The following OGT variants were observed in gnomAD, a reference collection of about 807,000 sequenced individuals.
OGT encodes UDP-N-acetylglucosamine--peptide N-acetylglucosaminyltransferase 110 kDa subunit.
A neutral mutation model predicts 75.8 loss-of-function variants in OGT; 3 were observed. That is an observed-to-expected ratio of 0.04 (90% CI 0.02 to 0.10). The LOEUF is 0.10. Ranked by LOEUF, OGT falls within the 10% of genes least tolerant of loss-of-function variation. OGT has a pLI of 1.00. For missense variants in OGT, 260 were observed against 824.4 expected (o/e 0.32, Z 8.38); for synonymous variants, 257 against 289.7 (o/e 0.89, Z 1.15).
intron 4 of OGT, chrX:71,546,352 A>T: frequency 1.3e-6 from 1 of 754,362 alleles, no homozygotes; most frequent in Non-Finnish European, 1.6e-6. Context: ...AGAAGGTTTC[A>T]GGTGGGTGAA....
rs2147693904 is a variant in OGT, at chrX:71,568,102, A to G, written c.2952A>G (p.Gly984=). 1 of 1,202,853 alleles carries G rather than the reference A, an allele frequency of 8.3e-7. No homozygotes were observed. The highest frequency in any genetic ancestry group is 3.0e-5 in the East Asian group (1 of 33,819). ...ATGAAGACATAGCTGTGAAGCTGGGAACTGATCTAGAATAGTAAGTAAACT... is the reference window on the plus strand; with the variant it reads ...ATGAAGACATAGCTGTGAAGCTGGGGACTGATCTAGAATAGTAAGTAAACT... ...QEYEDIAVKL[G]TDLEYLKKVR... Residue 984 remains glycine (G), a synonymous_variant, in exon 21 of 22, where the codon GGA becomes GGG. Transcript: ENST00000373719.
intron 21 of OGT, among the ~76,000 whole-genome samples, chrX:71,572,041 T>C (rs2147697901): frequency 9.0e-6 from 1 of 111,405 alleles, no homozygotes; most frequent in Non-Finnish European, 1.9e-5. Flanking sequence ...AGTGCTGGGA[T>C]TACAGGTGTG....
rs778389766 is a variant in OGT at position 71,575,014 on chromosome X, G to A, written c.*1220G>A. 1.8e-5 allele frequency: 2 copies of A among 111,416 alleles called. No individual in the cohort carries two copies. Among genetic ancestry groups the A allele is most frequent in the Non-Finnish European group, 3.8e-5 (2 of 53,081 alleles). 9.2% of individuals were successfully genotyped at this position (111,416 alleles called of 1,213,427 possible). ...GTACAGATTCAGCCTCAGTAGTAGC[G>A]AACTGCACTGCTGTTTGGTTTGGAG... On this transcript the variant is annotated 3_prime_UTR_variant, in exon 22 of 22. Coordinates refer to ENST00000373719, the MANE Select transcript of OGT (RefSeq NM_181672.3).
intron 6 of OGT, 95 bp from the exon 7 acceptor site, chrX:71,555,095 T>G: frequency 1.6e-6 from 1 of 609,079 alleles, no homozygotes; most frequent in Non-Finnish European, 2.5e-6. Flanking sequence ...ACAGCTTGAA[T>G]GAGTTGTAAC....
chrX:71,542,866 T>A (rs776172968), intron 3 of OGT, among the ~76,000 whole-genome samples: 1 of 112,566 alleles, frequency 8.9e-6, no homozygotes, highest in South Asian at 3.6e-4. Flanking sequence ...TGTTAAAAAG[T>A]GCTCAGGCTA....
Position 71,536,224 on chromosome X carries a change from A to T in OGT, c.84A>T (p.Ala28=). The part of the protein sequence containing the change: ...MLSFQGLAEL[A]HREYQAGDFE... ...CCTTCCAAGGGTTAGCTGAGTTGGCACATCGAGAATATCAGGCAGGAGATT... is the reference window on the plus strand; with the variant it reads ...CCTTCCAAGGGTTAGCTGAGTTGGCTCATCGAGAATATCAGGCAGGAGATT... Residue 28 remains alanine (A), a synonymous_variant, in exon 2 of 22, where the codon GCA becomes GCT. Transcript: ENST00000373719. The T allele has an allele frequency of 8.3e-7, 1 of 1,210,029 alleles. No individual in the cohort carries two copies. Among genetic ancestry groups the T allele is most frequent in the Non-Finnish European group, 1.1e-6 (1 of 894,705 alleles).
rs190933650 is a variant in OGT, at chrX:71,568,874, A to C, written c.2966+758A>C. 9.1e-3 allele frequency among the ~76,000 whole-genome samples: 1,012 copies of C among 110,693 alleles called. 5 individuals are homozygous for C. The highest frequency in any genetic ancestry group is 0.024 in the African/African-American group (733 of 30,503). On this transcript the variant is annotated intron_variant, in intron 21 of 21. Coordinates refer to ENST00000373719, the MANE Select transcript of OGT (RefSeq NM_181672.3). ...AACAAACAAACAAAAAAAAAACCAA[A>C]CAAACAAAAAAAACCAAAAAAAGAA...
At chrX:71,538,190 C>T (rs1004535377) in intron 3 of OGT, 118 bp downstream of exon 3, 29 of 787,594 alleles carry the variant, frequency 3.7e-5, no homozygotes, top group Non-Finnish European at 5.0e-5. Context: ...TTTAGAAATG[C>T]GTATGTACTT....
At chrX:71,570,256 G>A (rs1446855946) in intron 21 of OGT, among the ~76,000 whole-genome samples, 3 of 107,500 alleles carry the variant, frequency 2.8e-5, no homozygotes. Context: ...GGCCAGGCTG[G>A]TCTCGAACTC....
intron 18 of OGT, among the ~76,000 whole-genome samples, chrX:71,563,835 G>A (rs917351567): frequency 9.0e-6 from 1 of 111,592 alleles, no homozygotes. Flanking sequence ...CTACTCAAAC[G>A]TTCAGTTCAG....
In OGT at chrX:71,556,703, C is replaced by T; in HGVS notation, c.1089C>T (p.Ala363=). The part of the protein sequence containing the change: ...ALEVFPEFAA[A]HSNLASVLQQ... ...AGGTCTTCCCAGAGTTTGCTGCTGCCCATTCAAATTTAGCAAGTGTACTGC... is the reference window on the plus strand; with the variant it reads ...AGGTCTTCCCAGAGTTTGCTGCTGCTCATTCAAATTTAGCAAGTGTACTGC... Residue 363 remains alanine (A), a synonymous_variant, in exon 9 of 22, where the codon GCC becomes GCT. Coordinates refer to ENST00000373719, the MANE Select transcript of OGT (RefSeq NM_181672.3). The T allele has an allele frequency of 1.7e-6, 2 of 1,193,393 alleles. No individual in the cohort carries two copies. Among genetic ancestry groups the T allele is most frequent in the African/African-American group, 1.7e-5 (1 of 57,339 alleles).
intron 7 of OGT, among the ~76,000 whole-genome samples, chrX:71,555,590 C>T: frequency 8.9e-6 from 1 of 111,736 alleles, no homozygotes; most frequent in African/African-American, 3.3e-5. Context: ...GGCATGGTGG[C>T]ACACACCTGT....
chrX:71,562,292 C>T (rs1310838213), intron 15 of OGT, among the ~76,000 whole-genome samples: 1 of 112,337 alleles, frequency 8.9e-6, no homozygotes, highest in Admixed American at 9.4e-5. Flanking sequence ...AGCAAAACAC[C>T]CTATCTCTAC....
chrX:71,547,521 T>A, intron 4 of OGT: 2 of 782,650 alleles, frequency 2.6e-6, no homozygotes, highest in Non-Finnish European at 3.0e-6. Flanking sequence ...AAACTCGGCC[T>A]CAAGTTGCGC....
At position 71,559,263 on chromosome X, in the gene OGT, A is replaced by G. The variant is rs2040366487; in HGVS notation, c.1603-4A>G. On this transcript the variant is annotated splice_polypyrimidine_tract_variant and splice_region_variant and intron_variant, in intron 12 of 21. Coordinates refer to ENST00000373719, the MANE Select transcript of OGT (RefSeq NM_181672.3). ...TACTAACAAGCATTGGATTCTGTTG[A>G]TAGATTAATGTTCTTCATAAACCAC... is the stretch of plus-strand genomic sequence containing the variant. 1 of 1,200,744 alleles carries G rather than the reference A, an allele frequency of 8.3e-7. No homozygotes were observed. Among genetic ancestry groups the G allele is most frequent in the Non-Finnish European group, 1.1e-6 (1 of 890,111 alleles).
At chrX:71,555,583 A>G (rs1340606064) in intron 7 of OGT, among the ~76,000 whole-genome samples, 198 bp downstream of exon 7, 2 of 111,693 alleles carry the variant, frequency 1.8e-5, no homozygotes, top group African/African-American at 6.5e-5. Context: ...TTAGCCGGGC[A>G]TGGTGGCACA....
At chrX:71,547,039 A>T in intron 4 of OGT, 4 of 754,797 alleles carry the variant, frequency 5.3e-6, no homozygotes, top group African/African-American at 2.3e-5. Context: ...TATGTAGCGC[A>T]GCAGTTCGCA....
At chrX:71,547,331 A>G in intron 4 of OGT, 2 of 718,973 alleles carry the variant, frequency 2.8e-6, no homozygotes, top group Non-Finnish European at 3.3e-6. Context: ...TAAAATGCCC[A>G]ATGAAAGAAG....
chrX:71,533,436 C>G (rs1451759490), intron 1 of OGT, 100 bp downstream of exon 1: 1 of 772,617 alleles, frequency 1.3e-6, no homozygotes, highest in Non-Finnish European at 1.9e-6. Context: ...GAACCATCCC[C>G]ATTACATCAG....
Sources: allele counts gnomAD v4.1 joint callset (sites outside exome capture counted in the v4.1 genomes callset), GRCh38; gene constraint gnomAD v4.1.1; transcripts MANE v1.5; gene names NCBI Gene and HGNC (gene_info 2026-07-23, HGNC 2026-07-21).